The following ZNF521 variants were observed in gnomAD, a reference collection of about 807,000 sequenced individuals.
ZNF521 encodes LYST-interacting protein 3.
ZNF521 carries 14 observed loss-of-function variants against 105.5 expected under a neutral mutation model. That is an observed-to-expected ratio of 0.13 (90% CI 0.09 to 0.21). The LOEUF is 0.21. Among genes scored for constraint, ZNF521 ranks in the 10% least tolerant of loss-of-function variants. ZNF521 has a pLI of 1.00. For synonymous variants in ZNF521, 635 were observed against 606.0 expected (o/e 1.05, Z -0.70); for missense variants, 1,233 against 1,629.7 (o/e 0.76, Z 4.19).
intron 7 of ZNF521, among the ~76,000 whole-genome samples, chr18:25,072,908 G>A (rs770138085): frequency 4.6e-5 from 7 of 152,126 alleles, no homozygotes; most frequent in African/African-American, 9.7e-5. Context: ...TCACACTGGC[G>A]CTTTCTAAAC....
At chr18:25,305,213 GATGC>G (rs1297577546) in intron 3 of ZNF521, among the ~76,000 whole-genome samples, 1 of 152,076 alleles carries the variant, frequency 6.6e-6, no homozygotes, top group Non-Finnish European at 1.5e-5. Context: ...CCAATTCCAT[GATGC>G]TTACGCTTGC....
intron 2 of ZNF521, among the ~76,000 whole-genome samples, chr18:25,338,259 T>TTGTGTGTGTGTGTG (rs34813730): frequency 0.065 from 8,917 of 136,444 alleles, 433 homozygotes; most frequent in East Asian, 0.14. Flanking sequence ...TCATAGACTT[T>TTGTGTGTGTGTGTG]TGTGTGTGTG....
In ZNF521 at chr18:25,062,437, A is replaced by G. The variant is rs1292162370; in HGVS notation, c.*275T>C. ...TGGTCATAGTCTTTTTTTTTTTTTA[A>G]TCTTGCCTGAATAGGGCCCAAGTCC... On this transcript the variant is annotated 3_prime_UTR_variant, in exon 8 of 8. Coordinates refer to ENST00000361524, the MANE Select transcript of ZNF521 (RefSeq NM_015461.3). The G allele has an allele frequency of 5.8e-5, 21 of 359,160 alleles. No homozygotes were observed. The highest frequency in any genetic ancestry group is 3.9e-5 in the Non-Finnish European group (8 of 206,124). The allele number at this position is 359,160 out of a possible 1,614,324, so 22.2% of individuals were successfully genotyped here.
At chr18:25,272,765 G>A (rs541384007) in intron 3 of ZNF521, among the ~76,000 whole-genome samples, 2 of 151,986 alleles carry the variant, frequency 1.3e-5, no homozygotes, top group Non-Finnish European at 2.9e-5. Flanking sequence ...CCTGTTGTGG[G>A]TTGGGGGGTT....
intron 4 of ZNF521, among the ~76,000 whole-genome samples, chr18:25,217,552 A>G (rs750401555): frequency 2.0e-5 from 3 of 152,200 alleles, no homozygotes; most frequent in Non-Finnish European, 4.4e-5. Context: ...ACGACATTTC[A>G]GACAAAGGTT....
chr18:25,281,760 C>T (rs150771000), intron 3 of ZNF521, among the ~76,000 whole-genome samples: 1,648 of 152,232 alleles, frequency 0.011, 21 homozygotes, highest in Admixed American at 0.036. Flanking sequence ...TCCATGAATG[C>T]GATGAAACAC....
intron 5 of ZNF521, among the ~76,000 whole-genome samples, chr18:25,173,640 T>A (rs2035485839): frequency 1.3e-5 from 2 of 151,998 alleles, no homozygotes; most frequent in South Asian, 4.2e-4. Context: ...TTTACTAGCA[T>A]GAGGGGGAAT....
chr18:25,225,581 T>C lies in ZNF521; in HGVS notation c.2337A>G (p.Gln779=), dbSNP rs28547021. 781 of 1,614,190 alleles carry C rather than the reference T, an allele frequency of 4.8e-4. 7 individuals carry two copies. In the African/African-American group the frequency reaches 9.5e-3, roughly 20 times the overall value. The change falls in exon 4 of 8, where the codon CAA becomes CAG. Residue 779 remains glutamine (Q), a synonymous_variant. Coordinates refer to ENST00000361524, the MANE Select transcript of ZNF521 (RefSeq NM_015461.3). The surrounding 1 kb of genome is among the most constrained non-coding windows in gnomAD (Gnocchi z 5.6). ...AGAAAATGCACTTATGCACTTTCCC[T>C]TGGTTTTCCAGGTGGTTGTGTTTCA... ...LHVKHNHLEN[Q]GKVHKCIFCG... is the part of the protein sequence containing the mutation.
At chr18:25,292,648 G>A (rs1356570671) in intron 3 of ZNF521, among the ~76,000 whole-genome samples, 1 of 152,130 alleles carries the variant, frequency 6.6e-6, no homozygotes, top group African/African-American at 2.4e-5. Flanking sequence ...AAAGCAAAAC[G>A]TTATCAGGGA....
chr18:25,111,800 G>A (rs1012981951), intron 5 of ZNF521, among the ~76,000 whole-genome samples: 1 of 152,240 alleles, frequency 6.6e-6, no homozygotes, highest in African/African-American at 2.4e-5. Context: ...AGGCAAGCCT[G>A]ACCCAGTATC....
chr18:25,068,454 C>G (rs2033128438), intron 7 of ZNF521, among the ~76,000 whole-genome samples: 1 of 152,168 alleles, frequency 6.6e-6, no homozygotes, highest in Non-Finnish European at 1.5e-5. Context: ...AGGCTGCAAA[C>G]AGAATTCTAC....
chr18:25,183,711 T>A (rs2035671956), intron 5 of ZNF521, among the ~76,000 whole-genome samples: 1 of 152,196 alleles, frequency 6.6e-6, no homozygotes, highest in African/African-American at 2.4e-5. Context: ...AGGGTTTGCC[T>A]TCTTCAACTT....
intron 3 of ZNF521, among the ~76,000 whole-genome samples, chr18:25,242,447 C>A: frequency 6.6e-6 from 1 of 152,110 alleles, no homozygotes. Context: ...CAACTCTCAC[C>A]TAAAAAACTC....
intron 3 of ZNF521, among the ~76,000 whole-genome samples, chr18:25,266,651 G>A (rs1296625684): frequency 6.6e-6 from 1 of 152,096 alleles, no homozygotes; most frequent in Non-Finnish European, 1.5e-5. Context: ...AAGGGGTCGG[G>A]GGATTTCCCT....
At position 25,226,032 on chromosome 18, in the gene ZNF521, C is replaced by T. The variant is rs779955981; in HGVS notation, c.1886G>A (p.Arg629His). The T allele has an allele frequency of 3.3e-5, 54 of 1,614,034 alleles. No homozygotes were observed. In the East Asian group the frequency reaches 3.6e-4, roughly 11 times the overall value. The change falls in exon 4 of 8, where the codon CGT becomes CAT. Residue 629 changes from arginine (R) to histidine (H), a missense_variant. Coordinates refer to ENST00000361524, the MANE Select transcript of ZNF521 (RefSeq NM_015461.3). The surrounding 1 kb of genome is among the most constrained non-coding windows in gnomAD (Gnocchi z 4.1). ...ATTACAGATATATTCTCCAGTGGGACGTGCAGGTGCACCTCCTACTGCCTG... is the reference window on the plus strand; with the variant it reads ...ATTACAGATATATTCTCCAGTGGGATGTGCAGGTGCACCTCCTACTGCCTG... ...MMQAVGGAPA[R>H]PTGEYICNQC...
chr18:25,317,447 A>G (rs1203933870), intron 3 of ZNF521, among the ~76,000 whole-genome samples: 1 of 152,158 alleles, frequency 6.6e-6, no homozygotes, highest in Non-Finnish European at 1.5e-5. Context: ...CTTACCAAGC[A>G]GAATTTGAAG....
intron 2 of ZNF521, among the ~76,000 whole-genome samples, chr18:25,331,353 A>T (rs2145176304): frequency 6.6e-6 from 1 of 152,264 alleles, no homozygotes; most frequent in Admixed American, 6.5e-5. Context: ...AAAACAAATT[A>T]TTTGAAAACA....
At chr18:25,150,639 G>C (rs1375908919) in intron 5 of ZNF521, among the ~76,000 whole-genome samples, 3 of 152,030 alleles carry the variant, frequency 2.0e-5, no homozygotes, top group Non-Finnish European at 2.9e-5. Flanking sequence ...TTTTCCATGT[G>C]GACTAGTGAA....
chr18:25,149,097 G>A (rs969957685), intron 5 of ZNF521, among the ~76,000 whole-genome samples: 1 of 152,142 alleles, frequency 6.6e-6, no homozygotes, highest in Non-Finnish European at 1.5e-5. Context: ...GGTGTCCACT[G>A]GCCAAATATA....
Sources: allele counts gnomAD v4.1 joint callset (sites outside exome capture counted in the v4.1 genomes callset), GRCh38; gene constraint gnomAD v4.1.1; non-coding constraint Gnocchi (gnomAD v3.1); transcripts MANE v1.5; gene names NCBI Gene and HGNC (gene_info 2026-07-23, HGNC 2026-07-21).